ATRNL1: variants seen among roughly 807,000 people sequenced by gnomAD.
The protein encoded by ATRNL1 is attractin like 1.
A neutral mutation model predicts 182.7 loss-of-function variants in ATRNL1; 95 were observed. The ratio of observed to expected loss-of-function variants is 0.52; its 90% CI spans 0.44 to 0.62. The LOEUF (loss-of-function observed/expected upper bound fraction) is 0.62, where lower values mean the gene tolerates loss of function less well. Among genes scored for constraint, ATRNL1 ranks in the 20% least tolerant of loss-of-function variants. The probability of loss-of-function intolerance (pLI) is 0.00; values close to 1 mark genes in which losing one functional copy is unlikely to be tolerated. For synonymous variants in ATRNL1, 576 were observed against 568.3 expected (o/e 1.01, Z -0.19); for missense variants, 1,471 against 1,679.5 (o/e 0.88, Z 2.17).
intron 26 of ATRNL1, among the ~76,000 whole-genome samples, chr10:115,673,220 G>A (rs782603690): frequency 1.3e-4 from 20 of 152,086 alleles, no homozygotes; most frequent in Admixed American, 2.0e-4. Context: ...TTTCAAATCT[G>A]AGTGATATAA....
intron 27 of ATRNL1, among the ~76,000 whole-genome samples, chr10:115,815,982 G>C (rs1322981254): frequency 6.6e-6 from 1 of 152,132 alleles, no homozygotes; most frequent in African/African-American, 2.4e-5. Flanking sequence ...TTTTGGGCCT[G>C]ATTATGTTCT....
intron 26 of ATRNL1, among the ~76,000 whole-genome samples, chr10:115,582,519 G>T (rs1333327817): frequency 8.0e-6 from 1 of 124,900 alleles, no homozygotes; most frequent in Middle Eastern, 3.8e-3. Context: ...TTTTTCATGT[G>T]TTTTTTGGCT....
intron 26 of ATRNL1, among the ~76,000 whole-genome samples, chr10:115,600,416 T>A (rs1424615725): frequency 2.0e-5 from 3 of 152,126 alleles, no homozygotes; most frequent in Non-Finnish European, 4.4e-5. Flanking sequence ...GCATGTAGTA[T>A]TATTGGTATT....
rs531771830 is a variant in ATRNL1 at position 115,229,759 on chromosome 10, A to G, written c.1533-11812A>G. 3.3e-5 allele frequency among the ~76,000 whole-genome samples: 5 copies of G among 152,258 alleles called. No homozygotes were observed. The South Asian group carries it at 1.0e-3, about 32-fold the overall frequency. On this transcript the variant is annotated intron_variant, in intron 9 of 28. Transcript: ENST00000355044. Reference sequence around the variant, plus strand: ...TCCCATATTGATAATTTAAATAAGTACTTATCTCTGTAGCTTTGCTTTTCA... The same window carrying G: ...TCCCATATTGATAATTTAAATAAGTGCTTATCTCTGTAGCTTTGCTTTTCA...
chr10:115,594,693 T>G (rs983653972), intron 26 of ATRNL1, among the ~76,000 whole-genome samples: 1 of 152,148 alleles, frequency 6.6e-6, no homozygotes, highest in Non-Finnish European at 1.5e-5. Flanking sequence ...TTAATGGAGA[T>G]GAGGTTTCCT....
intron 20 of ATRNL1, among the ~76,000 whole-genome samples, chr10:115,396,840 T>C (rs1324094795): frequency 2.0e-5 from 3 of 151,952 alleles, no homozygotes; most frequent in African/African-American, 7.2e-5. Flanking sequence ...AATAGTGAGC[T>C]TGTAAGCTTA....
chr10:115,241,775 A>C, intron 10 of ATRNL1, 50 bp downstream of exon 10: 2 of 1,486,998 alleles, frequency 1.3e-6, no homozygotes, highest in Non-Finnish European at 1.8e-6. Flanking sequence ...GAAATTTTCC[A>C]TATAGATATT....
At chr10:115,355,616 C>T (rs782213896) in intron 19 of ATRNL1, among the ~76,000 whole-genome samples, 12 of 151,904 alleles carry the variant, frequency 7.9e-5, no homozygotes, top group Non-Finnish European at 1.8e-4. Flanking sequence ...AAAAATATGT[C>T]TTCAAATCAT....
intron 27 of ATRNL1, among the ~76,000 whole-genome samples, chr10:115,843,971 G>A (rs1950870418): frequency 6.6e-6 from 1 of 152,008 alleles, no homozygotes; most frequent in South Asian, 2.1e-4. Context: ...TAGACCTTCA[G>A]TTTCATCATC....
chr10:115,132,025 C>T (rs1212430554), intron 5 of ATRNL1, among the ~76,000 whole-genome samples: 1 of 152,076 alleles, frequency 6.6e-6, no homozygotes, highest in Non-Finnish European at 1.5e-5. Flanking sequence ...TGGGGTGCTG[C>T]ACCCATTAAC....
intron 24 of ATRNL1, among the ~76,000 whole-genome samples, chr10:115,487,151 TAGTTTGA>T (rs1849067013): frequency 6.6e-6 from 1 of 152,168 alleles, no homozygotes; most frequent in Non-Finnish European, 1.5e-5. Context: ...CCTTGTAGTA[TAGTTTGA>T]AGTCAGGTTA....
chr10:115,230,907 GAGAGAGAGAGA>G (rs1849908694), intron 9 of ATRNL1, among the ~76,000 whole-genome samples: 1 of 142,164 alleles, frequency 7.0e-6, no homozygotes, highest in Non-Finnish European at 1.5e-5. Context: ...GAGAGAGAGA[GAGAGAGAGAGA>G]GAGAAAGAGA....
chr10:115,739,960 A>C (rs1475444032), intron 27 of ATRNL1, among the ~76,000 whole-genome samples: 1 of 152,204 alleles, frequency 6.6e-6, no homozygotes, highest in African/African-American at 2.4e-5. Flanking sequence ...TAATCTCATC[A>C]GGTTTATATC....
Position 115,334,318 on chromosome 10 carries a change from A to C in ATRNL1, c.3074A>C (p.Asn1025Thr), listed in dbSNP as rs1050159510. The C allele has an allele frequency of 1.1e-5, 17 of 1,591,950 alleles. No homozygotes were observed. The highest frequency in any genetic ancestry group is 1.4e-5 in the Non-Finnish European group (16 of 1,165,700). The change falls in exon 19 of 29, where the codon AAT (asparagine) becomes ACT (threonine). Residue 1025 changes from asparagine (N) to threonine (T), a missense_variant. Around this residue, in one of 3 missense-constraint regions of ATRNL1, gnomAD observed 437 missense variants for 506.0 expected, o/e 0.86. Transcript: ENST00000355044. ...AATGGACATAGCACTTGCATCAATA[A>C]TAATGTGTGCGAACAGTGTAAAAAT... The part of the protein sequence containing the change: ...QCNGHSTCIN[N>T]NVCEQCKNLT...
chr10:115,420,039 AT>A lies in ATRNL1; in HGVS notation c.3270-6190del, dbSNP rs34280609. Among the ~76,000 whole-genome samples, 447 of 127,878 alleles carry A rather than the reference AT, an allele frequency of 3.5e-3. 2 individuals are homozygous for A. Among genetic ancestry groups the A allele is most frequent in the East Asian group, 8.3e-3 (37 of 4,460 alleles). 83.9% of individuals were successfully genotyped at this position (127,878 alleles called of 152,430 possible). A position where few individuals can be genotyped will look rare whatever the true frequency, so the allele number is the denominator to read the frequency against. On this transcript the variant is annotated intron_variant, in intron 20 of 28. Coordinates refer to ENST00000355044, the MANE Select transcript of ATRNL1 (RefSeq NM_207303.4). ...TAAGGGCACAAAACATGTCTTAACA[AT>A]TTTTTTTTTTTTTTTTTTTTGAGAC...
intron 8 of ATRNL1, among the ~76,000 whole-genome samples, chr10:115,188,332 G>C (rs1848035453): frequency 6.6e-6 from 1 of 152,162 alleles, no homozygotes; most frequent in African/African-American, 2.4e-5. Flanking sequence ...TGCTGTGGCA[G>C]TAAAGGAAAT....
At chr10:115,579,856 C>T (rs1194260927) in intron 26 of ATRNL1, among the ~76,000 whole-genome samples, 3 of 151,700 alleles carry the variant, frequency 2.0e-5, no homozygotes, top group African/African-American at 7.3e-5. Context: ...ATTTTAATTG[C>T]TGTTCCTTTT....
At chr10:115,662,390 G>A (rs1860749693) in intron 26 of ATRNL1, among the ~76,000 whole-genome samples, 1 of 152,016 alleles carries the variant, frequency 6.6e-6, no homozygotes, top group African/African-American at 2.4e-5. Flanking sequence ...AACCATTGTG[G>A]AAGTCAGTGT....
At chr10:115,173,141 A>G (rs560192090) in intron 8 of ATRNL1, among the ~76,000 whole-genome samples, 9 of 152,116 alleles carry the variant, frequency 5.9e-5, no homozygotes, top group East Asian at 3.9e-4. Context: ...GCAATGCTAC[A>G]TTGAATAAGC....
Sources: gnomAD v4.1 joint callset for allele counts (sites outside exome capture counted in the v4.1 genomes callset) on GRCh38, gnomAD v4.1.1 for gene constraint, gnomAD v4.1.1 regional missense constraint, MANE v1.5 for transcripts, NCBI Gene and HGNC (gene_info 2026-07-23, HGNC 2026-07-21) for gene names.